TPX2: variants seen among roughly 807,000 people sequenced by gnomAD.
TPX2 encodes the protein targeting protein for Xklp2.
A neutral mutation model predicts 93.6 loss-of-function variants in TPX2; 21 were observed. That is an observed-to-expected ratio of 0.22 (90% CI 0.16 to 0.32). The LOEUF is 0.32. Ranked by LOEUF, TPX2 falls within the 10% of genes least tolerant of loss-of-function variation. The probability of loss-of-function intolerance (pLI) is 1.00; values close to 1 mark genes in which losing one functional copy is unlikely to be tolerated. For synonymous variants in TPX2, 281 were observed against 298.3 expected (o/e 0.94, Z 0.60); for missense variants, 776 against 871.1 (o/e 0.89, Z 1.37).
In TPX2 at chr20:31,797,394, T is replaced by A; in HGVS notation, c.1834-10T>A. The A allele has an allele frequency of 6.2e-7, 1 of 1,613,896 alleles. No homozygotes were observed. Among genetic ancestry groups the A allele is most frequent in the South Asian group, 1.1e-5 (1 of 91,060 alleles). Reference sequence around the variant, plus strand: ...GACATTGCTCATCTGACTGACTTTCTCTCTAATAGCTGGAAGAAGAACTGA... The same window carrying A: ...GACATTGCTCATCTGACTGACTTTCACTCTAATAGCTGGAAGAAGAACTGA... On this transcript the variant is annotated splice_polypyrimidine_tract_variant and intron_variant, in intron 15 of 17. Coordinates refer to ENST00000300403, the MANE Select transcript of TPX2 (RefSeq NM_012112.5).
At chr20:31,767,529 C>T (rs564616064) in intron 5 of TPX2, among the ~76,000 whole-genome samples, 7 of 151,950 alleles carry the variant, frequency 4.6e-5, no homozygotes, top group Non-Finnish European at 8.8e-5. Flanking sequence ...CATAAACCAC[C>T]GCATCCAGCC....
intron 7 of TPX2, among the ~76,000 whole-genome samples, chr20:31,775,436 C>T (rs1053624931): frequency 6.6e-6 from 1 of 151,370 alleles, no homozygotes; most frequent in South Asian, 2.1e-4. Context: ...AGTGCAGTGG[C>T]GTGATCTTGG....
At chr20:31,800,896 A>AG in intron 17 of TPX2, 74 bp from the exon 18 acceptor site, 1 of 1,277,636 alleles carries the variant, frequency 7.8e-7, no homozygotes, top group Non-Finnish European at 1.1e-6. Flanking sequence ...TTTCTCAAAA[A>AG]GAAAAAAATA....
At chr20:31,792,852 G>C (rs766623660) in intron 13 of TPX2, 22 bp downstream of exon 13, 2 of 1,607,346 alleles carry the variant, frequency 1.2e-6, no homozygotes, top group Non-Finnish European at 1.7e-6. Context: ...GGAGTAGGGG[G>C]GTTCTTTTTC....
chr20:31,769,630 A>T (rs1484748443), intron 5 of TPX2, among the ~76,000 whole-genome samples: 1 of 152,118 alleles, frequency 6.6e-6, no homozygotes, highest in African/African-American at 2.4e-5. Context: ...AGCCTATCTA[A>T]TGATCACTCT....
chr20:31,751,732 G>A (rs1350628778), intron 2 of TPX2, among the ~76,000 whole-genome samples: 2 of 152,038 alleles, frequency 1.3e-5, no homozygotes, highest in Non-Finnish European at 2.9e-5. Context: ...GGCTATAATG[G>A]TTTATACAAT....
rs61754553 is a variant in TPX2, at chr20:31,793,857, G to A, written c.1519G>A (p.Glu507Lys). ...MPTKEDEEED[E>K]PVVIKAQPVP... ...GCAATTTTTTCCCTAGGAAGAGGAC[G>A]AACCGGTAGTGATAAAAGCTCAACC... The change falls in exon 14 of 18, where the codon GAA becomes AAA. Residue 507 changes from glutamate (E) to lysine (K), a missense_variant. Coordinates refer to ENST00000300403, the MANE Select transcript of TPX2 (RefSeq NM_012112.5). The A allele has an allele frequency of 6.8e-3, 10,706 of 1,585,596 alleles. 61 individuals are homozygous for A. Among genetic ancestry groups the A allele is most frequent in the Middle Eastern group, 0.012 (73 of 5,928 alleles).
intron 2 of TPX2, among the ~76,000 whole-genome samples, chr20:31,756,032 G>A (rs2061849395): frequency 6.6e-6 from 1 of 152,128 alleles, no homozygotes; most frequent in South Asian, 2.1e-4. Context: ...GTATTTCAAA[G>A]TTGTCGTCTT....
chr20:31,753,621 A>G (rs1255982023), intron 2 of TPX2, among the ~76,000 whole-genome samples: 3 of 152,222 alleles, frequency 2.0e-5, no homozygotes, highest in Non-Finnish European at 4.4e-5. Context: ...GAGCATTGTT[A>G]TAAAGATACT....
intron 2 of TPX2, among the ~76,000 whole-genome samples, chr20:31,751,337 G>C (rs1041872341): frequency 3.9e-5 from 6 of 151,978 alleles, no homozygotes; most frequent in African/African-American, 1.5e-4. Flanking sequence ...TCATGCCTGG[G>C]AAGCCTTCCC....
intron 2 of TPX2, among the ~76,000 whole-genome samples, chr20:31,748,452 T>C (rs1054868907): frequency 6.6e-6 from 1 of 152,164 alleles, no homozygotes; most frequent in Admixed American, 6.6e-5. Flanking sequence ...TTTTAAAAAA[T>C]TTATGGGAAG....
chr20:31,771,502 G>T, intron 6 of TPX2, 58 bp from the exon 7 acceptor site: 1 of 1,570,886 alleles, frequency 6.4e-7, no homozygotes, highest in Non-Finnish European at 8.6e-7. Context: ...TTGGGGAGGA[G>T]GGTACAGGCT....
chr20:31,774,005 G>C (rs1283134833), intron 7 of TPX2, among the ~76,000 whole-genome samples: 10 of 151,942 alleles, frequency 6.6e-5, no homozygotes, highest in Non-Finnish European at 1.5e-4. Flanking sequence ...CCGAGTAGCT[G>C]GGATTACTGG....
At chr20:31,797,323 A>G in intron 15 of TPX2, 81 bp from the exon 16 acceptor site, 1 of 1,249,646 alleles carries the variant, frequency 8.0e-7, no homozygotes. Context: ...GAAGCAGTTC[A>G]GACATTAGAA....
chr20:31,748,828 G>T (rs770954225), intron 2 of TPX2, among the ~76,000 whole-genome samples: 13 of 152,152 alleles, frequency 8.5e-5, no homozygotes, highest in Non-Finnish European at 1.5e-4. Context: ...TGTTAATGCA[G>T]TTTAAACGAG....
At chr20:31,760,382 A>ATT (rs1188327411) in intron 4 of TPX2, among the ~76,000 whole-genome samples, 3 of 145,454 alleles carry the variant, frequency 2.1e-5, no homozygotes, top group Admixed American at 6.9e-5. Context: ...CTAACATAGA[A>ATT]TTTTTTTTTT....
At chr20:31,796,480 A>G (rs995426837) in intron 15 of TPX2, among the ~76,000 whole-genome samples, 2 of 152,232 alleles carry the variant, frequency 1.3e-5, no homozygotes, top group African/African-American at 4.8e-5. Flanking sequence ...TATATAGTCT[A>G]CATAGTGCCT....
In TPX2 at chr20:31,801,703, A is replaced by G. The variant is rs2062173248; in HGVS notation, c.*623A>G. 1 of 152,310 alleles carries G rather than the reference A, an allele frequency of 6.6e-6. No homozygotes were observed. The highest frequency in any genetic ancestry group is 2.1e-4 in the South Asian group (1 of 4,838). The allele number at this position is 152,310 out of a possible 1,614,324, so 9.4% of individuals were successfully genotyped here. A position where few individuals can be genotyped will look rare whatever the true frequency, so the allele number is the denominator to read the frequency against. ...CAGGCTCTGGGTGGGGCTGCCGTTA[A>G]GGCACGTTCTTTCCTTACTGGTGCT... On this transcript the variant is annotated 3_prime_UTR_variant, in exon 18 of 18. Coordinates refer to ENST00000300403, the MANE Select transcript of TPX2 (RefSeq NM_012112.5).
In TPX2 at chr20:31,772,019, CTTTTTTT is replaced by C. The variant is rs397866298; in HGVS notation, c.608+350_608+356del. On this transcript the variant is annotated intron_variant, in intron 7 of 17. Transcript: ENST00000300403. ...GGCATGCACTATCATGCCTGGCTAACTTTTTTTTTTTTTTTTTTTGAGACAGAGGCTC... is the reference window on the plus strand; with the variant it reads ...GGCATGCACTATCATGCCTGGCTAACTTTTTTTTTTTTGAGACAGAGGCTC... Among the ~76,000 whole-genome samples, 289 of 125,256 alleles carry C rather than the reference CTTTTTTT, an allele frequency of 2.3e-3. 1 individual carries two copies. Among genetic ancestry groups the C allele is most frequent in the African/African-American group, 8.9e-3 (278 of 31,388 alleles). 82.2% of individuals were successfully genotyped at this position (125,256 alleles called of 152,430 possible). A position where few individuals can be genotyped will look rare whatever the true frequency, so the allele number is the denominator to read the frequency against.
Sources: allele counts gnomAD v4.1 joint callset (sites outside exome capture counted in the v4.1 genomes callset), GRCh38; gene constraint gnomAD v4.1.1; transcripts MANE v1.5; gene names NCBI Gene and HGNC (gene_info 2026-07-23, HGNC 2026-07-21).